NANOS3: variants seen among roughly 807,000 people sequenced by gnomAD.
NANOS3 encodes nanos homolog 3.
NANOS3 carries 11 observed loss-of-function variants against 13.8 expected under a neutral mutation model. The observed-to-expected ratio is 0.80, with a 90% CI of 0.50 to 1.32. The LOEUF is 1.32. NANOS3 is among the 40% of genes most tolerant of loss of function. The pLI is 0.00. For synonymous variants in NANOS3, 119 were observed against 115.4 expected (o/e 1.03, Z -0.20); for missense variants, 221 against 263.8 (o/e 0.84, Z 1.12).
Position 13,877,139 on chromosome 19 carries a change from C to T in NANOS3, c.-110C>T. The T allele has an allele frequency of 1.1e-6, 1 of 942,672 alleles. No homozygotes were observed. Among genetic ancestry groups the T allele is most frequent in the East Asian group, 2.4e-5 (1 of 41,560 alleles). The allele number at this position is 942,672 out of a possible 1,614,324, so 58.4% of individuals were successfully genotyped here. Reference sequence around the variant, plus strand: ...GTCGGCCAGCACAGACTCCCAGGCTCCAGAGAGGGGAAGGAAGGGGCAGCA... The same window carrying T: ...GTCGGCCAGCACAGACTCCCAGGCTTCAGAGAGGGGAAGGAAGGGGCAGCA... On this transcript the variant is annotated 5_prime_UTR_variant, in exon 1 of 2. Transcript: ENST00000339133.
intron 1 of NANOS3, among the ~76,000 whole-genome samples, chr19:13,870,538 G>C (rs1281148033): frequency 6.7e-6 from 1 of 150,302 alleles, no homozygotes; most frequent in African/African-American, 2.5e-5. Context: ...GGGGGTGGGG[G>C]CAAGGCCCTG....
At chr19:13,878,448 A>G (rs1968563128) in intron 1 of NANOS3, among the ~76,000 whole-genome samples, 1 of 151,934 alleles carries the variant, frequency 6.6e-6, no homozygotes, top group South Asian at 2.1e-4. Flanking sequence ...CATGTTGGCC[A>G]GGCTGGTCTC....
At chr19:13,862,288 C>T (rs1019447185), upstream of NANOS3, 3 of 152,230 alleles carry the variant, frequency 2.0e-5, no homozygotes, top group African/African-American at 7.2e-5. Flanking sequence ...GCAGTGGAGG[C>T]TCCAGCCTGG....
Position 13,879,129 on chromosome 19 carries a change from G to A in NANOS3, c.518-1313G>A, listed in dbSNP as rs138760663. On this transcript the variant is annotated intron_variant, in intron 1 of 1. Transcript: ENST00000339133. ...TAATTTTTGTATTTTTAGTACAGAC[G>A]GGATTTCACCATCTTGGCCAGGCTG... is the stretch of plus-strand genomic sequence containing the variant. Among the ~76,000 whole-genome samples, 38 of 151,924 alleles carry A rather than the reference G, an allele frequency of 2.5e-4. 1 individual carries two copies. The East Asian group carries it at 4.7e-3, about 19-fold the overall frequency.
chr19:13,874,991 C>A (rs377441973), upstream of NANOS3: 6 of 517,112 alleles, frequency 1.2e-5, no homozygotes, highest in Non-Finnish European at 2.4e-5. Flanking sequence ...GGGCCAGACA[C>A]GGCTTAAGGG....
intron 1 of NANOS3, among the ~76,000 whole-genome samples, chr19:13,870,870 G>A (rs1324293081): frequency 5.9e-5 from 9 of 151,742 alleles, no homozygotes; most frequent in Non-Finnish European, 7.4e-5. Context: ...ATGAGCCACC[G>A]TGCCCGGCTC....
intron 1 of NANOS3, among the ~76,000 whole-genome samples, chr19:13,867,343 C>G (rs932128071): frequency 6.7e-6 from 1 of 149,402 alleles, no homozygotes; most frequent in Non-Finnish European, 1.5e-5. Flanking sequence ...TCACTGCAAT[C>G]TAGGCCCATC....
chr19:13,872,354 A>G (rs1976340513), upstream of NANOS3, among the ~76,000 whole-genome samples: 1 of 150,490 alleles, frequency 6.6e-6, no homozygotes. Flanking sequence ...CAAAAAAAAA[A>G]AAAAAAAGAG....
upstream of NANOS3, chr19:13,875,073 C>G (rs1968483636): frequency 2.4e-6 from 1 of 413,896 alleles, no homozygotes; most frequent in Non-Finnish European, 5.0e-6. Flanking sequence ...ACCCCAACCA[C>G]TCCTCTTTGG....
upstream of NANOS3, among the ~76,000 whole-genome samples, chr19:13,872,805 A>T (rs1217408606): frequency 1.3e-5 from 2 of 151,526 alleles, no homozygotes; most frequent in Non-Finnish European, 1.5e-5. Flanking sequence ...GCTGCGAGAG[A>T]GGGCGCCCCA....
At chr19:13,880,374 G>A (rs996316320) in intron 1 of NANOS3, 68 bp from the exon 2 acceptor site, 7 of 1,489,586 alleles carry the variant, frequency 4.7e-6, no homozygotes, top group African/African-American at 1.4e-5. Context: ...GGCCGAGTCC[G>A]TGGGCAACTT....
chr19:13,879,885 G>A (rs1286254054), intron 1 of NANOS3, among the ~76,000 whole-genome samples: 1 of 152,096 alleles, frequency 6.6e-6, no homozygotes, highest in Non-Finnish European at 1.5e-5. Context: ...AATTAACTGG[G>A]CATGGTGGCA....
At chr19:13,872,626 A>G (rs185801523), upstream of NANOS3, among the ~76,000 whole-genome samples, 1,067 of 152,340 alleles carry the variant, frequency 7.0e-3, 9 homozygotes, top group Middle Eastern at 0.048. Context: ...TCTCCTTCCC[A>G]AGTCCTAGGC....
upstream of NANOS3, among the ~76,000 whole-genome samples, chr19:13,863,556 G>A (rs569669776): frequency 6.6e-6 from 1 of 152,112 alleles, no homozygotes; most frequent in East Asian, 1.9e-4. Context: ...TGGCCGGCAG[G>A]GGGGCGGGCG....
upstream of NANOS3, among the ~76,000 whole-genome samples, chr19:13,874,234 C>G (rs918953956): frequency 1.3e-5 from 2 of 152,146 alleles, no homozygotes; most frequent in Admixed American, 6.5e-5. Context: ...CCATCGTGCC[C>G]GGAACTCAGT....
intron 1 of NANOS3, among the ~76,000 whole-genome samples, chr19:13,866,089 C>T (rs960865508): frequency 1.3e-4 from 20 of 152,134 alleles, no homozygotes; most frequent in Non-Finnish European, 2.1e-4. Context: ...GCCGCCCCTC[C>T]GGCCTGTCAT....
intron 1 of NANOS3, 122 bp from the exon 2 acceptor site, chr19:13,880,320 C>A (rs1169052546): frequency 2.3e-6 from 2 of 863,768 alleles, no homozygotes; most frequent in Non-Finnish European, 3.7e-6. Flanking sequence ...GTCGCTGTCT[C>A]CGGAGCAGCC....
intron 1 of NANOS3, among the ~76,000 whole-genome samples, chr19:13,870,000 C>A (rs1976302193): frequency 6.6e-6 from 1 of 152,094 alleles, no homozygotes. Context: ...CGCCAGACAC[C>A]CCTGGGAGCT....
rs1599307614 is a variant in NANOS3 at position 13,880,517 on chromosome 19, C to T, written c.*14C>T. 1 of 1,612,866 alleles carries T rather than the reference C, an allele frequency of 6.2e-7. No homozygotes were observed. The highest frequency in any genetic ancestry group is 2.2e-5 in the East Asian group (1 of 44,826). ...ATGTCCACCTAGGAGGCTGCCTACA[C>T]CTGGGCAAGGGCACCCGGGCTCGGC... On this transcript the variant is annotated 3_prime_UTR_variant, in exon 2 of 2. Coordinates refer to ENST00000339133, the MANE Select transcript of NANOS3 (RefSeq NM_001098622.3).
Sources: allele counts gnomAD v4.1 joint callset (sites outside exome capture counted in the v4.1 genomes callset), GRCh38; gene constraint gnomAD v4.1.1; transcripts MANE v1.5; gene names NCBI Gene and HGNC (gene_info 2026-07-23, HGNC 2026-07-21).